Variants in CMSS1 observed in about 807,000 individuals in gnomAD.
The protein encoded by CMSS1 is protein CMSS1.
A neutral mutation model predicts 43.5 loss-of-function variants in CMSS1; 33 were observed. That is an observed-to-expected ratio of 0.76 (90% CI 0.57 to 1.01). CMSS1 has a LOEUF of 1.01. Ranked by LOEUF, CMSS1 falls within the 50% of genes least tolerant of loss-of-function variation. The pLI is 0.00. For synonymous variants in CMSS1, 115 were observed against 117.2 expected, an observed-to-expected ratio of 0.98 and a Z score of 0.12; for missense variants, 313 against 326.4, an observed-to-expected ratio of 0.96 and a Z score of 0.32.
At chr3:100,150,364 T>C (rs950978989) in intron 2 of CMSS1, among the ~76,000 whole-genome samples, 2 of 152,234 alleles carry the variant, frequency 1.3e-5, no homozygotes, top group African/African-American at 4.8e-5. Context: ...TGTTATGCTA[T>C]ATTTAAATTT....
intron 1 of CMSS1, among the ~76,000 whole-genome samples, chr3:99,943,051 AACTTTGGACCTCC>A (rs1022212492): frequency 2.6e-5 from 4 of 152,138 alleles, no homozygotes; most frequent in African/African-American, 9.7e-5. Context: ...TGCTTAGAAC[AACTTTGGACCTCC>A]ACTTTTGGAG....
At chr3:100,052,478 T>C (rs2065390955) in intron 1 of CMSS1, among the ~76,000 whole-genome samples, 1 of 152,178 alleles carries the variant, frequency 6.6e-6, no homozygotes, top group African/African-American at 2.4e-5. Context: ...AGGATGGGTC[T>C]TATGGCACCA....
At chr3:99,832,597 CTT>C (rs1278997088) in intron 1 of CMSS1, among the ~76,000 whole-genome samples, 38 of 143,420 alleles carry the variant, frequency 2.6e-4, no homozygotes, top group African/African-American at 8.4e-4. Context: ...AATCCCAGCA[CTT>C]TGCGAGGCTG....
intron 1 of CMSS1, among the ~76,000 whole-genome samples, chr3:99,891,942 A>T (rs1169729942): frequency 1.3e-5 from 2 of 152,224 alleles, no homozygotes; most frequent in African/African-American, 4.8e-5. Flanking sequence ...AATAGCTATG[A>T]TTCACTAACA....
chr3:99,988,347 A>G (rs1337121671), intron 1 of CMSS1, among the ~76,000 whole-genome samples: 3 of 148,720 alleles, frequency 2.0e-5, no homozygotes, highest in East Asian at 3.9e-4. Flanking sequence ...AATCCAAAAA[A>G]AAAAAAAAAA....
intron 1 of CMSS1, 37 bp from the exon 2 acceptor site, chr3:100,146,936 A>G: frequency 6.3e-7 from 1 of 1,598,556 alleles, no homozygotes; most frequent in East Asian, 2.2e-5. Flanking sequence ...AATGAGAGAG[A>G]GAGACTTTTC....
intron 1 of CMSS1, among the ~76,000 whole-genome samples, chr3:99,888,698 G>T (rs910820917): frequency 6.6e-6 from 1 of 152,052 alleles, no homozygotes; most frequent in African/African-American, 2.4e-5. Context: ...TTCTTAGACT[G>T]CTTTTTGTAG....
intron 4 of CMSS1, among the ~76,000 whole-genome samples, chr3:100,163,862 T>G (rs1022031258): frequency 1.3e-5 from 2 of 152,224 alleles, no homozygotes; most frequent in African/African-American, 2.4e-5. Flanking sequence ...ATATCTAATA[T>G]TGCTTTTGGA....
intron 1 of CMSS1, among the ~76,000 whole-genome samples, chr3:100,013,217 T>TTGGTGG (rs761322356): frequency 2.0e-4 from 24 of 118,510 alleles, no homozygotes; most frequent in African/African-American, 8.5e-4. Flanking sequence ...CAGTGAGGTG[T>TTGGTGG]TGTTGTTGTT....
chr3:100,110,607 C>T (rs2066474727), intron 1 of CMSS1, among the ~76,000 whole-genome samples: 1 of 152,148 alleles, frequency 6.6e-6, no homozygotes, highest in Admixed American at 6.6e-5. Context: ...CGTGTATTTG[C>T]TTGGTCATAG....
At chr3:99,868,090 TA>T (rs947172243) in intron 1 of CMSS1, among the ~76,000 whole-genome samples, 118 of 152,294 alleles carry the variant, frequency 7.7e-4, no homozygotes, top group African/African-American at 2.7e-3. Context: ...GGGTGCATGG[TA>T]AAACAGGGAG....
chr3:99,892,755 C>G (rs1236926179), intron 1 of CMSS1, among the ~76,000 whole-genome samples: 1 of 152,176 alleles, frequency 6.6e-6, no homozygotes, highest in East Asian at 1.9e-4. Flanking sequence ...TGCCCTTATG[C>G]CTTATTGTCT....
chr3:99,946,948 A>C (rs959815963), intron 1 of CMSS1, among the ~76,000 whole-genome samples: 5 of 152,082 alleles, frequency 3.3e-5, no homozygotes, highest in Non-Finnish European at 7.4e-5. Flanking sequence ...CAGCCTGGCC[A>C]ACATGGCAAA....
At chr3:99,936,840 T>C (rs1707691853) in intron 1 of CMSS1, among the ~76,000 whole-genome samples, 1 of 152,094 alleles carries the variant, frequency 6.6e-6, no homozygotes, top group African/African-American at 2.4e-5. Context: ...AAAATCCTGG[T>C]TTAACATTAA....
intron 6 of CMSS1, among the ~76,000 whole-genome samples, chr3:100,170,189 A>G (rs1385442634): frequency 6.6e-6 from 1 of 152,228 alleles, no homozygotes; most frequent in African/African-American, 2.4e-5. Context: ...ACTTGAGGCA[A>G]CAGAACTTGT....
intron 5 of CMSS1, 132 bp from the exon 6 acceptor site, chr3:100,167,606 T>A (rs2067075813): frequency 2.2e-6 from 1 of 464,002 alleles, no homozygotes; most frequent in African/African-American, 2.0e-5. Context: ...TGAATTACAA[T>A]TGTAATTATA....
At chr3:99,868,748 A>G (rs929280390) in intron 1 of CMSS1, among the ~76,000 whole-genome samples, 5 of 152,064 alleles carry the variant, frequency 3.3e-5, no homozygotes, top group African/African-American at 1.2e-4. Context: ...TCTTTTTTGG[A>G]ATGCTGCATT....
intron 1 of CMSS1, among the ~76,000 whole-genome samples, chr3:99,899,813 C>T (rs887760858): frequency 2.6e-5 from 4 of 152,176 alleles, no homozygotes; most frequent in Non-Finnish European, 2.9e-5. Context: ...CTCTGTGCCA[C>T]CGTTTTCTCA....
At chr3:99,922,767 C>T (rs1707164450) in intron 1 of CMSS1, among the ~76,000 whole-genome samples, 1 of 152,180 alleles carries the variant, frequency 6.6e-6, no homozygotes, top group African/African-American at 2.4e-5. Flanking sequence ...ACAAAATAAT[C>T]TACCCTACAT....
Sources: gnomAD v4.1 joint callset for allele counts (sites outside exome capture counted in the v4.1 genomes callset) on GRCh38, gnomAD v4.1.1 for gene constraint, MANE v1.5 for transcripts, NCBI Gene and HGNC (gene_info 2026-07-23, HGNC 2026-07-21) for gene names.